Variants in HHLA1 observed in about 807,000 individuals in gnomAD.
HHLA1 encodes HHLA1 neighbor of OC90.
In HHLA1, 72 loss-of-function variants were observed where a neutral mutation model predicts 69.9. The observed-to-expected ratio is 1.03, with a 90% CI of 0.85 to 1.25. HHLA1 has a LOEUF of 1.25. Ranked by LOEUF, HHLA1 falls within the 50% of genes most tolerant of loss-of-function variation. The pLI, the probability that HHLA1 is intolerant of heterozygous loss-of-function variation, is 0.00. For missense variants in HHLA1, 685 were observed against 642.2 expected, an observed-to-expected ratio of 1.07 and a Z score of -0.72; for synonymous variants, 252 against 233.2, an observed-to-expected ratio of 1.08 and a Z score of -0.73.
chr8:132,079,841 G>A lies in HHLA1; in HGVS notation c.802C>T (p.Pro268Ser). ...GAAGGAGCAGCTGTCTCTGTCCAGGGAGAGGATCTCAGAGCAGATGCCCAG... is the reference window on the plus strand; with the variant it reads ...GAAGGAGCAGCTGTCTCTGTCCAGGAAGAGGATCTCAGAGCAGATGCCCAG... ...TPWASALRSS[P>S]WTETAAPSET... is the part of the protein sequence containing the mutation. Residue 268 changes from proline (P) to serine (S), a missense_variant, in exon 11 of 17, where the codon CCC becomes TCC. Pro to Ser is a moderately conservative substitution (Grantham distance 74, BLOSUM62 -1). Coordinates refer to ENST00000414222, the MANE Select transcript of HHLA1 (RefSeq NM_001145095.3). 2 of 1,551,874 alleles carry A rather than the reference G, an allele frequency of 1.3e-6. No individual in the cohort carries two copies. Among genetic ancestry groups the A allele is most frequent in the African/African-American group, 1.4e-5 (1 of 73,154 alleles).
At chr8:132,069,056 A>T (rs1823486916) in intron 15 of HHLA1, among the ~76,000 whole-genome samples, 1 of 152,230 alleles carries the variant, frequency 6.6e-6, no homozygotes. Flanking sequence ...AAGAGGGCAT[A>T]TAATAAGTTA....
Position 132,079,784 on chromosome 8 carries a change from G to T in HHLA1, c.859C>A (p.Pro287Thr). 6.4e-7 allele frequency: 1 copy of T among 1,551,680 alleles called. No individual in the cohort carries two copies. The highest frequency in any genetic ancestry group is 8.7e-7 in the Non-Finnish European group (1 of 1,146,958). Residue 287 changes from proline to threonine, a missense_variant, in exon 11 of 17, where the codon CCT becomes ACT. By Grantham distance (38) the Pro-to-Thr change is conservative (BLOSUM62 -1). Transcript: ENST00000414222. ...GTGGCCCTGGCTGGAAGCTCAGGAG[G>T]CCTGCCTGTGTTCAGGGTCTCCTCT... The part of the protein sequence containing the change: ...ETEETLNTGR[P>T]PELPARATAT...
intron 1 of HHLA1, among the ~76,000 whole-genome samples, chr8:132,108,001 T>A (rs781332797): frequency 9.9e-5 from 15 of 152,196 alleles, no homozygotes; most frequent in Non-Finnish European, 1.8e-4. Context: ...CTTACTTGAA[T>A]CTTGAGTTGG....
At position 132,094,024 on chromosome 8, in the gene HHLA1, C is replaced by T. The variant is rs1192320452; in HGVS notation, c.448+1495G>A. Among the ~76,000 whole-genome samples the T allele has an allele frequency of 1.4e-4, 22 of 152,102 alleles. 1 individual carries two copies. The highest frequency in any genetic ancestry group is 1.6e-4 in the Non-Finnish European group (11 of 68,030). On this transcript the variant is annotated intron_variant, in intron 7 of 16. Coordinates refer to ENST00000414222, the MANE Select transcript of HHLA1 (RefSeq NM_001145095.3). ...ACTCAGTGGGGGAAATAATCTGAAA[C>T]AGGGAAGAGTTTACGCACAAAGATG...
At chr8:132,074,458 C>T (rs1823600790) in intron 14 of HHLA1, among the ~76,000 whole-genome samples, 1 of 152,056 alleles carries the variant, frequency 6.6e-6, no homozygotes, top group Non-Finnish European at 1.5e-5. Flanking sequence ...ACCATAATTC[C>T]TGAATGAGAT....
intron 15 of HHLA1, among the ~76,000 whole-genome samples, chr8:132,070,642 A>G (rs1224721472): frequency 6.6e-6 from 1 of 151,676 alleles, no homozygotes; most frequent in Non-Finnish European, 1.5e-5. Context: ...TCAACTCATT[A>G]CACCTCAACT....
chr8:132,087,943 C>G, intron 8 of HHLA1, 42 bp from the exon 9 acceptor site: 1 of 1,428,006 alleles, frequency 7.0e-7, no homozygotes, highest in Non-Finnish European at 9.7e-7. Flanking sequence ...AGCCATGGGT[C>G]TGAAGCTGTA....
intron 1 of HHLA1, 27 bp from the exon 2 acceptor site, chr8:132,105,313 G>T (rs941436595): frequency 1.4e-5 from 19 of 1,403,152 alleles, no homozygotes; most frequent in Non-Finnish European, 1.8e-5. Flanking sequence ...AAACACTTAG[G>T]AAACTAAGCA....
At chr8:132,090,111 T>C (rs899160607) in intron 7 of HHLA1, among the ~76,000 whole-genome samples, 3 of 152,204 alleles carry the variant, frequency 2.0e-5, no homozygotes, top group Non-Finnish European at 4.4e-5. Context: ...CAGGAACCTT[T>C]CCTTCTGCCC....
intron 7 of HHLA1, 148 bp from the exon 8 acceptor site, chr8:132,089,747 A>G: frequency 1.6e-6 from 1 of 613,022 alleles, no homozygotes; most frequent in Non-Finnish European, 2.9e-6. Flanking sequence ...GAGAAATACT[A>G]CTAATTCTAA....
intron 11 of HHLA1, 93 bp downstream of exon 11, chr8:132,079,625 G>A: frequency 7.5e-7 from 1 of 1,336,080 alleles, no homozygotes; most frequent in Non-Finnish European, 1.0e-6. Context: ...GTGGAGAAGG[G>A]ATTAAGGTAA....
chr8:132,077,928 T>C lies in HHLA1; in HGVS notation c.969A>G (p.Arg323=), dbSNP rs1163060166. ...VARTQWLTAD[R]QTWASISSVP... is the part of the protein sequence containing the mutation. Reference sequence around the variant, plus strand: ...CGGACGATATGGAAGCCCACGTCTGTCTGTCAGCTGTCAACCACTGAGTTC... The same window carrying C: ...CGGACGATATGGAAGCCCACGTCTGCCTGTCAGCTGTCAACCACTGAGTTC... Residue 323 remains arginine, a synonymous_variant, in exon 12 of 17, where the codon AGA becomes AGG. Transcript: ENST00000414222. The C allele has an allele frequency of 1.3e-6, 2 of 1,551,664 alleles. No individual in the cohort carries two copies. The highest frequency in any genetic ancestry group is 1.2e-5 in the South Asian group (1 of 84,064).
At chr8:132,083,139 T>C (rs561949103) in intron 10 of HHLA1, among the ~76,000 whole-genome samples, 44 of 145,906 alleles carry the variant, frequency 3.0e-4, no homozygotes, top group East Asian at 1.6e-3. Flanking sequence ...GGAAGAAGGG[T>C]GGCAATGAGA....
chr8:132,068,748 G>A lies in HHLA1; in HGVS notation c.1469+2592C>T, dbSNP rs533151048. On this transcript the variant is annotated intron_variant, in intron 15 of 16. Coordinates refer to ENST00000414222, the MANE Select transcript of HHLA1 (RefSeq NM_001145095.3). ...CAGCCTGAATAGAAGAGGAGCCGTGGACACTTCACTGGGGCCTGAGGTAGC... is the reference window on the plus strand; with the variant it reads ...CAGCCTGAATAGAAGAGGAGCCGTGAACACTTCACTGGGGCCTGAGGTAGC... 2.0e-5 allele frequency among the ~76,000 whole-genome samples: 3 copies of A among 152,314 alleles called. No individual in the cohort carries two copies. The South Asian group carries it at 6.2e-4, about 32-fold the overall frequency.
At chr8:132,102,069 T>C (rs989346260) in intron 3 of HHLA1, among the ~76,000 whole-genome samples, 1 of 152,228 alleles carries the variant, frequency 6.6e-6, no homozygotes, top group Non-Finnish European at 1.5e-5. Context: ...CTATTTTAGA[T>C]ACCTCATGAA....
At chr8:132,097,399 C>T (rs969013333) in intron 5 of HHLA1, among the ~76,000 whole-genome samples, 1 of 152,148 alleles carries the variant, frequency 6.6e-6, no homozygotes, top group African/African-American at 2.4e-5. Context: ...CTGGATTAAA[C>T]AGTTCTGAAT....
chr8:132,077,802 G>A lies in HHLA1; in HGVS notation c.1095C>T (p.Asn365=), dbSNP rs1563742294. Residue 365 remains asparagine, a synonymous_variant, in exon 12 of 17, where the codon AAC becomes AAT. Transcript: ENST00000414222. ...CAGCAGGCGCCAAAAGGCTTGTAGT[G>A]TTCATGGCTTCCTCGGTCCCTGCAG... ...PTTAGTEEAM[N]TTSLLAPAAE... 1.3e-6 allele frequency: 2 copies of A among 1,551,654 alleles called. No individual in the cohort carries two copies. The highest frequency in any genetic ancestry group is 1.4e-5 in the African/African-American group (1 of 73,148).
In HHLA1 at chr8:132,098,771, A is replaced by T. The variant is rs1465491146; in HGVS notation, c.280+111T>A. 6.0e-6 allele frequency: 4 copies of T among 667,476 alleles called. No homozygotes were observed. In the South Asian group the frequency reaches 7.4e-5, roughly 12 times the overall value. 41.3% of individuals were successfully genotyped at this position (667,476 alleles called of 1,614,324 possible). On this transcript the variant is annotated intron_variant, in intron 5 of 16. Coordinates refer to ENST00000414222, the MANE Select transcript of HHLA1 (RefSeq NM_001145095.3). The stretch of plus-strand genomic sequence containing the variant: ...CCTATTCTCCACTCTGAACACCGAG[A>T]AACTGACACACAGAAGTGAAGTGTC...
intron 3 of HHLA1, among the ~76,000 whole-genome samples, chr8:132,103,807 A>G (rs9643283): frequency 0.6 from 91,027 of 151,948 alleles, 27,363 homozygotes; most frequent in Admixed American, 0.64. Flanking sequence ...CATAGCATCA[A>G]GAAGGAAAGG....
Sources: gnomAD v4.1 joint callset for allele counts (sites outside exome capture counted in the v4.1 genomes callset) on GRCh38, gnomAD v4.1.1 for gene constraint, MANE v1.5 for transcripts, NCBI Gene and HGNC (gene_info 2026-07-23, HGNC 2026-07-21) for gene names.